Variants in PIK3C2A observed in about 807,000 individuals in gnomAD.
PIK3C2A encodes phosphatidylinositol-4-phosphate 3-kinase catalytic subunit type 2 alpha, also known as phosphatidylinositol 4-phosphate 3-kinase C2 domain-containing subunit alpha.
Under a neutral mutation model 204.5 loss-of-function variants are expected in PIK3C2A, and 97 were observed. The observed-to-expected ratio is 0.47, with a 90% CI of 0.40 to 0.56. The LOEUF (loss-of-function observed/expected upper bound fraction) is 0.56. PIK3C2A is among the 20% of genes least tolerant of loss of function. The pLI is 0.00. For missense variants in PIK3C2A, 1,735 were observed against 1,969.2 expected, an observed-to-expected ratio of 0.88 and a Z score of 2.25; for synonymous variants, 653 against 664.4, an observed-to-expected ratio of 0.98 and a Z score of 0.26.
At chr11:17,197,652 G>A (rs558334970) in intron 1 of PIK3C2A, among the ~76,000 whole-genome samples, 2 of 152,286 alleles carry the variant, frequency 1.3e-5, no homozygotes, top group African/African-American at 4.8e-5. Flanking sequence ...ACATTTTGCT[G>A]ACCAAGAAGT....
At chr11:17,098,865 G>C (rs576680028) in intron 26 of PIK3C2A, among the ~76,000 whole-genome samples, 52 of 152,182 alleles carry the variant, frequency 3.4e-4, no homozygotes, top group Non-Finnish European at 6.6e-4. Flanking sequence ...TAACCAGCCT[G>C]ATCACCAGAC....
At position 17,189,066 on chromosome 11, in the gene PIK3C2A, G is replaced by A. The variant is rs542310163; in HGVS notation, c.-66+18782C>T. ...ACCTAAAAAGCTGGCAGCTCAGCTG[G>A]CAAAACAGATCTCTGAAATCATGTC... is the stretch of plus-strand genomic sequence containing the variant. On this transcript the variant is annotated intron_variant, in intron 1 of 32. Transcript: ENST00000691414. 2.0e-5 allele frequency among the ~76,000 whole-genome samples: 3 copies of A among 146,924 alleles called. 1 individual carries two copies. Among genetic ancestry groups the A allele is most frequent in the African/African-American group, 8.2e-5 (3 of 36,570 alleles).
chr11:17,123,573 T>C (rs1404709775), intron 13 of PIK3C2A, among the ~76,000 whole-genome samples: 1 of 151,856 alleles, frequency 6.6e-6, no homozygotes, highest in East Asian at 1.9e-4. Context: ...TATGAGAAGT[T>C]TTATCTGTTT....
chr11:17,199,742 T>C (rs1344775150), intron 1 of PIK3C2A, among the ~76,000 whole-genome samples: 2 of 152,210 alleles, frequency 1.3e-5, no homozygotes, highest in African/African-American at 2.4e-5. Context: ...CTGGCCAACA[T>C]GGTGAAACCC....
At position 17,110,457 on chromosome 11, in the gene PIK3C2A, T is replaced by C; in HGVS notation, c.3519A>G (p.Lys1173=). 1 of 1,611,608 alleles carries C rather than the reference T, an allele frequency of 6.2e-7. No individual in the cohort carries two copies. Among genetic ancestry groups the C allele is most frequent in the Non-Finnish European group, 8.5e-7 (1 of 1,178,676 alleles). ...CTCGATCTCTGCCAGTTGAGAGACA[T>C]TTGAAAATTACCATCCTCAGATCTA... ...EGLDLRMVIF[K]CLSTGRDRGM... is the part of the protein sequence containing the mutation. Residue 1173 remains lysine (K), a synonymous_variant, in exon 22 of 33, where the codon AAA becomes AAG. Coordinates refer to ENST00000691414, the MANE Select transcript of PIK3C2A (RefSeq NM_002645.4).
chr11:17,175,877 C>G (rs1262610213), intron 1 of PIK3C2A, among the ~76,000 whole-genome samples: 1 of 152,082 alleles, frequency 6.6e-6, no homozygotes, highest in Non-Finnish European at 1.5e-5. Context: ...TTTTCCTGAT[C>G]TTAAAATTTC....
intron 11 of PIK3C2A, among the ~76,000 whole-genome samples, chr11:17,133,562 A>C (rs929497561): frequency 7.9e-5 from 12 of 152,308 alleles, no homozygotes; most frequent in African/African-American, 2.9e-4. Context: ...TTTTTATAGC[A>C]TTAAGCTACT....
intron 6 of PIK3C2A, among the ~76,000 whole-genome samples, chr11:17,146,823 T>G (rs994849110): frequency 2.0e-5 from 3 of 152,046 alleles, no homozygotes; most frequent in Admixed American, 1.3e-4. Flanking sequence ...CTTTACCCAA[T>G]TGAAATGAAT....
intron 1 of PIK3C2A, among the ~76,000 whole-genome samples, chr11:17,203,966 C>T (rs1238383095): frequency 6.6e-6 from 1 of 151,838 alleles, no homozygotes; most frequent in Non-Finnish European, 1.5e-5. Flanking sequence ...CCCAGCTACT[C>T]GGGAGGCTGA....
intron 31 of PIK3C2A, 29 bp from the exon 32 acceptor site, chr11:17,091,488 A>C (rs1848309308): frequency 1.2e-6 from 2 of 1,610,532 alleles, no homozygotes; most frequent in East Asian, 4.5e-5. Flanking sequence ...CCTTAATAGT[A>C]ATGCTTCCTA....
At chr11:17,144,265 C>G (rs1038594401) in intron 8 of PIK3C2A, among the ~76,000 whole-genome samples, 3 of 152,128 alleles carry the variant, frequency 2.0e-5, no homozygotes, top group African/African-American at 4.8e-5. Context: ...TTCTAAGAGG[C>G]CTTCTTTGAA....
At chr11:17,168,580 TAAAAACAAAAAC>T in intron 2 of PIK3C2A, 85 bp downstream of exon 2, 1 of 948,738 alleles carries the variant, frequency 1.1e-6, no homozygotes, top group East Asian at 2.4e-5. Context: ...GACTCCTTCT[TAAAAACAAAAAC>T]AAAAACAAAA....
At position 17,089,794 on chromosome 11, in the gene PIK3C2A, T is replaced by G. The variant is rs1279424077; in HGVS notation, c.5005A>C (p.Asn1669His). ...GGVTLPLKDFNLSKETVKWYQ... is the reference protein window; with the variant it reads ...GGVTLPLKDFHLSKETVKWYQ... ...CATTTAACCGTCTCTTTGCTCAAGT[T>G]GAAATCTTTCAAAGGCAGGGTTACT... is the stretch of plus-strand genomic sequence containing the variant. The change falls in exon 33 of 33, where the codon AAC becomes CAC. Residue 1669 changes from asparagine (N) to histidine (H), a missense_variant. Asn to His is a moderately conservative substitution (Grantham distance 68, BLOSUM62 1). Around this residue, in one of 6 missense-constraint regions of PIK3C2A, gnomAD observed 503 missense variants for 669.0 expected, o/e 0.75. Coordinates refer to ENST00000691414, the MANE Select transcript of PIK3C2A (RefSeq NM_002645.4). 3 of 1,613,940 alleles carry G rather than the reference T, an allele frequency of 1.9e-6. No homozygotes were observed. In the Admixed American group the frequency reaches 5.0e-5, roughly 27 times the overall value.
Position 17,168,717 on chromosome 11 carries a change from C to T in PIK3C2A, c.1025G>A (p.Arg342Gln), listed in dbSNP as rs766658261. The T allele has an allele frequency of 2.2e-5, 36 of 1,602,212 alleles. No individual in the cohort carries two copies. Among genetic ancestry groups the T allele is most frequent in the Admixed American group, 1.2e-4 (7 of 57,960 alleles). ...CTGGGCTTTTGCAAGCTGAGTTGTT[C>T]GAATATTTAAAGACTGGCTTCTTGT... ...TVTRSQSLNI[R>Q]TTQLAKAQGH... is the part of the protein sequence containing the mutation. The change falls in exon 2 of 33, where the codon CGA (arginine) becomes CAA (glutamine). Residue 342 changes from arginine to glutamine, a missense_variant. Physicochemically the swap from Arg to Gln is conservative, Grantham distance 43. This residue lies in a region of PIK3C2A where 536 missense variants were observed against 546.7 expected (regional missense o/e 0.98). Coordinates refer to ENST00000691414, the MANE Select transcript of PIK3C2A (RefSeq NM_002645.4).
In PIK3C2A at chr11:17,096,033, CTAGT is replaced by C. The variant is rs541161156; in HGVS notation, c.4326+1020_4326+1023del. On this transcript the variant is annotated intron_variant, in intron 27 of 32. Transcript: ENST00000691414. ...AGTGAAGGAAAACTTGTTTTGCTGG[CTAGT>C]TAAACTTTTTTTTTTTTTTGATACA... is the stretch of plus-strand genomic sequence containing the variant. Among the ~76,000 whole-genome samples, 643 of 150,878 alleles carry C rather than the reference CTAGT, an allele frequency of 4.3e-3. 4 individuals carry two copies. The highest frequency in any genetic ancestry group is 0.014 in the Middle Eastern group (4 of 292).
At position 17,178,030 on chromosome 11, in the gene PIK3C2A, T is replaced by C. The variant is rs369744502; in HGVS notation, c.-65-8224A>G. Among the ~76,000 whole-genome samples, 46 of 142,062 alleles carry C rather than the reference T, an allele frequency of 3.2e-4. 1 individual carries two copies. The South Asian group carries it at 9.3e-3, about 29-fold the overall frequency. 93.2% of individuals were successfully genotyped at this position (142,062 alleles called of 152,430 possible). A position where few individuals can be genotyped will look rare whatever the true frequency, so the allele number is the denominator to read the frequency against. On this transcript the variant is annotated intron_variant, in intron 1 of 32. Coordinates refer to ENST00000691414, the MANE Select transcript of PIK3C2A (RefSeq NM_002645.4). ...ACTGCTTGAACCCTGGAGGTGTATG[T>C]TGCAGTGAGCCGAGATCATGCCACC...
rs765862749 is a variant in PIK3C2A at position 17,135,084 on chromosome 11, C to A, written c.1897+27G>T. ...TTCTCTGAAAAGGCGATGATTATTGCTAAAATTTAAAGATTTAAACACATA... is the reference window on the plus strand; with the variant it reads ...TTCTCTGAAAAGGCGATGATTATTGATAAAATTTAAAGATTTAAACACATA... On this transcript the variant is annotated intron_variant, in intron 10 of 32. Coordinates refer to ENST00000691414, the MANE Select transcript of PIK3C2A (RefSeq NM_002645.4). The A allele has an allele frequency of 3.1e-6, 5 of 1,613,078 alleles. No individual in the cohort carries two copies. In the South Asian group the frequency reaches 5.5e-5, roughly 18 times the overall value.
intron 2 of PIK3C2A, among the ~76,000 whole-genome samples, chr11:17,159,828 C>T (rs1380353269): frequency 2.6e-5 from 4 of 152,102 alleles, no homozygotes; most frequent in African/African-American, 9.7e-5. Context: ...GGTGCAGTTG[C>T]AGAACGCAGG....
At chr11:17,170,712 C>T (rs776596045) in intron 1 of PIK3C2A, among the ~76,000 whole-genome samples, 7 of 152,174 alleles carry the variant, frequency 4.6e-5, no homozygotes, top group African/African-American at 1.7e-4. Context: ...TGAAAGGTTG[C>T]TTAGCTACTC....
Sources: gnomAD v4.1 joint callset for allele counts (sites outside exome capture counted in the v4.1 genomes callset) on GRCh38, gnomAD v4.1.1 for gene constraint, gnomAD v4.1.1 regional missense constraint, MANE v1.5 for transcripts, NCBI Gene and HGNC (gene_info 2026-07-23, HGNC 2026-07-21) for gene names.